Variants in RAD51B observed in about 807,000 individuals in gnomAD.
RAD51B encodes the protein RAD51 paralog B, also known as DNA repair protein RAD51 homolog 2.
RAD51B carries 38 observed loss-of-function variants against 42.2 expected under a neutral mutation model. The ratio of observed to expected loss-of-function variants is 0.90; its 90% CI spans 0.70 to 1.18. The LOEUF (loss-of-function observed/expected upper bound fraction) is 1.18, where lower values mean the gene tolerates loss of function less well. Among genes scored for constraint, RAD51B ranks in the 50% most tolerant of loss-of-function variants. The pLI, the probability that RAD51B is intolerant of heterozygous loss-of-function variation, is 0.00. For missense variants in RAD51B, 373 were observed against 400.7 expected (o/e 0.93, Z 0.59); for synonymous variants, 154 against 145.2 (o/e 1.06, Z -0.43).
chr14:68,052,435 G>T (rs1301038705), intron 7 of RAD51B, among the ~76,000 whole-genome samples: 34 of 149,154 alleles, frequency 2.3e-4, no homozygotes, highest in African/African-American at 8.4e-4. Context: ...TAACTAATTT[G>T]CCAAGCCAGC....
intron 10 of RAD51B, among the ~76,000 whole-genome samples, chr14:68,502,200 A>G (rs1256915640): frequency 6.6e-6 from 1 of 152,260 alleles, no homozygotes; most frequent in East Asian, 1.9e-4. Flanking sequence ...ATCACACGAC[A>G]ACAGAATGAG....
chr14:68,630,133 C>G (rs1034025692), intron 10 of RAD51B, among the ~76,000 whole-genome samples: 1 of 151,818 alleles, frequency 6.6e-6, no homozygotes, highest in African/African-American at 2.4e-5. Context: ...GAGGGAGTCT[C>G]TTCTCAGTAC....
chr14:67,920,675 T>C (rs1043742394), intron 7 of RAD51B, among the ~76,000 whole-genome samples: 2 of 152,214 alleles, frequency 1.3e-5, no homozygotes, highest in African/African-American at 4.8e-5. Flanking sequence ...GAACATTAGT[T>C]AATCCAGTCA....
At chr14:68,135,698 C>T (rs1415581718) in intron 7 of RAD51B, among the ~76,000 whole-genome samples, 1 of 152,138 alleles carries the variant, frequency 6.6e-6, no homozygotes, top group Admixed American at 6.6e-5. Context: ...TGAATGCTTT[C>T]AGTGCTTTGG....
At chr14:68,524,931 G>A (rs2140337379) in intron 10 of RAD51B, among the ~76,000 whole-genome samples, 2 of 152,328 alleles carry the variant, frequency 1.3e-5, no homozygotes, top group South Asian at 4.1e-4. Context: ...CTTTCCATCT[G>A]TGGCCTGTGA....
chr14:68,641,573 T>TAGGCCGGGCGC (rs1566962208), intron 10 of RAD51B, among the ~76,000 whole-genome samples: 19 of 146,098 alleles, frequency 1.3e-4, no homozygotes, highest in South Asian at 2.1e-4. Context: ...AGATGTTAGC[T>TAGGCCGGGCGC]GTAGATTTTT....
chr14:67,964,000 A>G (rs1370382620), intron 7 of RAD51B, among the ~76,000 whole-genome samples: 1 of 152,018 alleles, frequency 6.6e-6, no homozygotes, highest in African/African-American at 2.4e-5. Context: ...CTAACGTCAT[A>G]CAGCCAACTG....
chr14:68,133,077 G>T (rs207474935), intron 7 of RAD51B, among the ~76,000 whole-genome samples: 1 of 152,122 alleles, frequency 6.6e-6, no homozygotes, highest in Non-Finnish European at 1.5e-5. Flanking sequence ...AAGAATGTGG[G>T]GGGCAGGCAA....
chr14:68,405,937 A>G (rs1287882344), intron 8 of RAD51B, among the ~76,000 whole-genome samples: 41 of 151,872 alleles, frequency 2.7e-4, no homozygotes, highest in Non-Finnish European at 8.8e-5. Flanking sequence ...CCTTGATCCC[A>G]TCACTTAGCA....
chr14:68,682,946 C>G (rs1362369518), intron 11 of RAD51B: 3 of 722,932 alleles, frequency 4.1e-6, no homozygotes, highest in African/African-American at 5.6e-5. Flanking sequence ...GGGCAGTAAA[C>G]AAGAGCTCTG....
chr14:68,030,740 A>G (rs1205349118), intron 7 of RAD51B, among the ~76,000 whole-genome samples: 1 of 152,220 alleles, frequency 6.6e-6, no homozygotes, highest in East Asian at 1.9e-4. Flanking sequence ...CAGCTTGGCT[A>G]ACTGTTTGGT....
chr14:67,855,299 C>T (rs879598497), intron 4 of RAD51B, among the ~76,000 whole-genome samples: 16 of 151,914 alleles, frequency 1.1e-4, no homozygotes, highest in Non-Finnish European at 1.8e-4. Flanking sequence ...GGTGCGATCT[C>T]GGCTCAATGT....
At chr14:67,986,352 G>A (rs1193643472) in intron 7 of RAD51B, among the ~76,000 whole-genome samples, 1 of 152,138 alleles carries the variant, frequency 6.6e-6, no homozygotes, top group Admixed American at 6.6e-5. Flanking sequence ...GAATACCATG[G>A]TAACAATAGA....
At chr14:68,130,694 G>A (rs1042104894) in intron 7 of RAD51B, among the ~76,000 whole-genome samples, 14 of 152,232 alleles carry the variant, frequency 9.2e-5, no homozygotes, top group South Asian at 6.2e-4. Flanking sequence ...TAAACTTTCT[G>A]AACTAAAGTA....
At chr14:68,540,573 A>G in intron 10 of RAD51B, 1 of 985,424 alleles carries the variant, frequency 1.0e-6, no homozygotes, top group Non-Finnish European at 1.2e-6. Flanking sequence ...AACTGGGCTT[A>G]GCGTGGTTCT....
chr14:68,346,961 C>G (rs952429026), intron 8 of RAD51B, among the ~76,000 whole-genome samples: 3 of 152,180 alleles, frequency 2.0e-5, no homozygotes, highest in Non-Finnish European at 4.4e-5. Context: ...CTCTACCCCC[C>G]AAGGCTGGCT....
At chr14:67,852,446 T>G (rs1201758668) in intron 4 of RAD51B, among the ~76,000 whole-genome samples, 2 of 152,212 alleles carry the variant, frequency 1.3e-5, no homozygotes, top group African/African-American at 4.8e-5. Flanking sequence ...CTTATATGGC[T>G]GGGAAGTTGG....
intron 4 of RAD51B, among the ~76,000 whole-genome samples, chr14:67,861,975 T>TG (rs148295093): frequency 2.2e-5 from 3 of 135,924 alleles, no homozygotes; most frequent in Admixed American, 7.9e-5. Flanking sequence ...TTTCAGTCAG[T>TG]GGGGGGGAAG....
intron 7 of RAD51B, among the ~76,000 whole-genome samples, chr14:68,140,927 A>G (rs1051822424): frequency 3.3e-5 from 5 of 152,272 alleles, no homozygotes; most frequent in South Asian, 4.1e-4. Flanking sequence ...GTGGCATTCT[A>G]TAGTTCAAAC....
Sources: gnomAD v4.1 joint callset for allele counts (sites outside exome capture counted in the v4.1 genomes callset) on GRCh38, gnomAD v4.1.1 for gene constraint, MANE v1.5 for transcripts, NCBI Gene and HGNC (gene_info 2026-07-23, HGNC 2026-07-21) for gene names.